Variants in DCLK2 observed in about 807,000 individuals in gnomAD.
The protein encoded by DCLK2 is serine/threonine-protein kinase DCLK2.
In DCLK2, 31 loss-of-function variants were observed where a neutral mutation model predicts 78.4. That is an observed-to-expected ratio of 0.40 (90% confidence interval 0.30 to 0.53). The LOEUF (loss-of-function observed/expected upper bound fraction) is 0.53, where lower values mean the gene tolerates loss of function less well. DCLK2 is among the 20% of genes least tolerant of loss of function. The probability of loss-of-function intolerance (pLI) is 0.61; values close to 1 mark genes in which losing one functional copy is unlikely to be tolerated. For synonymous variants in DCLK2, 407 were observed against 374.9 expected, an observed-to-expected ratio of 1.09 and a Z score of -0.99; for missense variants, 872 against 973.7, an observed-to-expected ratio of 0.90 and a Z score of 1.39.
At chr4:150,207,546 G>T (rs1422231399) in intron 5 of DCLK2, among the ~76,000 whole-genome samples, 3 of 152,140 alleles carry the variant, frequency 2.0e-5, no homozygotes, top group African/African-American at 7.2e-5. Context: ...TGTACTCGTA[G>T]TTTTCTTGGT....
At chr4:150,102,091 T>A (rs376855865) in intron 1 of DCLK2, among the ~76,000 whole-genome samples, 6 of 152,190 alleles carry the variant, frequency 3.9e-5, no homozygotes, top group Non-Finnish European at 8.8e-5. Flanking sequence ...TCTACCAGAA[T>A]GAGATTTCTA....
chr4:150,148,490 T>G (rs1249484202), intron 2 of DCLK2, among the ~76,000 whole-genome samples: 1 of 152,062 alleles, frequency 6.6e-6, no homozygotes, highest in Non-Finnish European at 1.5e-5. Context: ...CTCAAACCCC[T>G]GGACTGAAGC....
chr4:150,248,229 A>T, intron 13 of DCLK2, 76 bp from the exon 14 acceptor site: 1 of 1,348,062 alleles, frequency 7.4e-7, no homozygotes, highest in Non-Finnish European at 1.1e-6. Context: ...CTTGCCACAA[A>T]CTCAGATTTC....
At chr4:150,219,840 A>G (rs1741038935) in intron 5 of DCLK2, among the ~76,000 whole-genome samples, 1 of 152,236 alleles carries the variant, frequency 6.6e-6, no homozygotes, top group Non-Finnish European at 1.5e-5. Flanking sequence ...TGGGAAACAC[A>G]TTAGACAAGT....
At chr4:150,163,107 G>A (rs1405403918) in intron 2 of DCLK2, among the ~76,000 whole-genome samples, 1 of 152,010 alleles carries the variant, frequency 6.6e-6, no homozygotes, top group African/African-American at 2.4e-5. Context: ...TTTGAAACCA[G>A]TCATTTAAGG....
At chr4:150,150,018 G>T (rs528260316) in intron 2 of DCLK2, among the ~76,000 whole-genome samples, 1 of 152,220 alleles carries the variant, frequency 6.6e-6, no homozygotes, top group East Asian at 1.9e-4. Context: ...TGAAGTGTAT[G>T]GGAGTGTGTA....
chr4:150,083,364 G>A (rs1309051121), intron 1 of DCLK2, among the ~76,000 whole-genome samples: 1 of 152,180 alleles, frequency 6.6e-6, no homozygotes, highest in Non-Finnish European at 1.5e-5. Flanking sequence ...ATATGAGAGA[G>A]TTTTGGTTAT....
At chr4:150,131,448 A>C (rs1316212118) in intron 2 of DCLK2, among the ~76,000 whole-genome samples, 1 of 152,194 alleles carries the variant, frequency 6.6e-6, no homozygotes, top group African/African-American at 2.4e-5. Context: ...GTAAGCCTAC[A>C]TTATATAGCA....
intron 2 of DCLK2, among the ~76,000 whole-genome samples, chr4:150,154,323 C>T (rs1008406606): frequency 6.6e-6 from 1 of 152,124 alleles, no homozygotes; most frequent in African/African-American, 2.4e-5. Flanking sequence ...CATCCCTTCA[C>T]GTCAACAGCA....
At chr4:150,151,041 C>T (rs1276526699) in intron 2 of DCLK2, among the ~76,000 whole-genome samples, 3 of 152,218 alleles carry the variant, frequency 2.0e-5, no homozygotes, top group East Asian at 1.9e-4. Context: ...CCCTGCTTGT[C>T]GCCAGCTCTC....
At chr4:150,083,344 G>C (rs537387342) in intron 1 of DCLK2, among the ~76,000 whole-genome samples, 1 of 152,122 alleles carries the variant, frequency 6.6e-6, no homozygotes, top group Non-Finnish European at 1.5e-5. Flanking sequence ...TAAGCTGATT[G>C]TTTTTTGGCA....
intron 2 of DCLK2, among the ~76,000 whole-genome samples, chr4:150,115,597 T>C (rs1450073181): frequency 1.3e-5 from 2 of 152,160 alleles, no homozygotes; most frequent in African/African-American, 4.8e-5. Context: ...CTCTTGGTTC[T>C]TTCAGGGATG....
chr4:150,222,710 C>CA (rs1245877405), intron 7 of DCLK2, among the ~76,000 whole-genome samples: 1 of 149,870 alleles, frequency 6.7e-6, no homozygotes, highest in Non-Finnish European at 1.5e-5. Context: ...AAAAAAAAAA[C>CA]AAAAAAAATT....
chr4:150,099,146 G>A (rs1218252388), intron 1 of DCLK2, among the ~76,000 whole-genome samples: 1 of 152,208 alleles, frequency 6.6e-6, no homozygotes, highest in Non-Finnish European at 1.5e-5. Flanking sequence ...AATCCCTACA[G>A]TACCAAGAAT....
chr4:150,192,815 C>T (rs1292000512), intron 2 of DCLK2, among the ~76,000 whole-genome samples: 3 of 152,120 alleles, frequency 2.0e-5, no homozygotes, highest in Non-Finnish European at 2.9e-5. Context: ...AGAGCAGAGG[C>T]CTTCATGAAT....
chr4:150,240,679 G>C (rs1742853871), intron 12 of DCLK2, among the ~76,000 whole-genome samples: 1 of 147,676 alleles, frequency 6.8e-6, no homozygotes, highest in Non-Finnish European at 1.5e-5. Context: ...CAGCGCACCA[G>C]CATGGCACAT....
chr4:150,139,245 A>G (rs1244162342), intron 2 of DCLK2, among the ~76,000 whole-genome samples: 5 of 152,206 alleles, frequency 3.3e-5, no homozygotes, highest in Non-Finnish European at 7.3e-5. Flanking sequence ...GACCTGCCAC[A>G]TGTTGGTGAT....
chr4:150,240,632 A>G (rs139548038), intron 12 of DCLK2, among the ~76,000 whole-genome samples, 156 bp downstream of exon 12: 125 of 151,754 alleles, frequency 8.2e-4, no homozygotes, highest in East Asian at 5.2e-3. Context: ...ATAGCATTGG[A>G]AGATATACCT....
intron 2 of DCLK2, among the ~76,000 whole-genome samples, chr4:150,134,818 T>TTTG (rs538340063): frequency 8.1e-4 from 124 of 152,250 alleles, no homozygotes; most frequent in Non-Finnish European, 1.1e-3. Context: ...CCAAATCATG[T>TTTG]TTGTTGTTGT....
Sources: allele counts gnomAD v4.1 joint callset (sites outside exome capture counted in the v4.1 genomes callset), GRCh38; gene constraint gnomAD v4.1.1; transcripts MANE v1.5; gene names NCBI Gene and HGNC (gene_info 2026-07-23, HGNC 2026-07-21).